Variants in KIF16B observed in about 807,000 individuals in gnomAD.
The protein encoded by KIF16B is kinesin-like protein KIF16B.
Under a neutral mutation model 156.3 loss-of-function variants are expected in KIF16B, and 98 were observed. The ratio of observed to expected loss-of-function variants is 0.63; its 90% CI spans 0.53 to 0.74. The LOEUF (loss-of-function observed/expected upper bound fraction) is 0.74. Ranked by LOEUF, KIF16B falls within the 30% of genes least tolerant of loss-of-function variation. The probability of loss-of-function intolerance (pLI) is 0.00; values close to 1 mark genes in which losing one functional copy is unlikely to be tolerated. For missense variants in KIF16B, 1,421 were observed against 1,606.5 expected (o/e 0.88, Z 1.97); for synonymous variants, 564 against 583.7 (o/e 0.97, Z 0.49).
At chr20:16,449,185 T>G (rs1757333871) in intron 12 of KIF16B, among the ~76,000 whole-genome samples, 1 of 151,776 alleles carries the variant, frequency 6.6e-6, no homozygotes, top group Non-Finnish European at 1.5e-5. Context: ...AAAGAGTCAA[T>G]GGAAATGAGC....
chr20:16,507,955 T>C lies in KIF16B; in HGVS notation c.699+3A>G, dbSNP rs1239954669. The C allele has an allele frequency of 6.2e-7, 1 of 1,614,090 alleles. No individual in the cohort carries two copies. The highest frequency in any genetic ancestry group is 8.5e-7 in the Non-Finnish European group (1 of 1,179,982). The stretch of plus-strand genomic sequence containing the variant: ...AGCCAGCTGGTCCCGCAGCAGCCCT[T>C]ACCTGAGTGAACTTGATGGTGAAGA... On this transcript the variant is annotated splice_donor_region_variant and intron_variant, in intron 7 of 25. Coordinates refer to ENST00000354981, the MANE Select transcript of KIF16B (RefSeq NM_024704.5).
At chr20:16,498,524 ACTATTCTGGACATTGC>A (rs992670314) in intron 10 of KIF16B, among the ~76,000 whole-genome samples, 20 of 152,320 alleles carry the variant, frequency 1.3e-4, no homozygotes, top group African/African-American at 4.8e-4. Flanking sequence ...GCATAAAAAC[ACTATTCTGGACATTGC>A]CTTTTTAACA....
chr20:16,350,278 G>T (rs2064310533), intron 23 of KIF16B, among the ~76,000 whole-genome samples: 2 of 152,342 alleles, frequency 1.3e-5, no homozygotes, highest in Admixed American at 1.3e-4. Context: ...TGTGAGAAAA[G>T]GCGGGCACCT....
intron 24 of KIF16B, among the ~76,000 whole-genome samples, chr20:16,332,662 C>T (rs1461775599): frequency 2.0e-5 from 3 of 152,006 alleles, no homozygotes; most frequent in Non-Finnish European, 1.5e-5. Context: ...GAGGCTTCTG[C>T]GAGCAGAAGT....
At chr20:16,286,712 A>G (rs1310030790) in intron 25 of KIF16B, among the ~76,000 whole-genome samples, 4 of 152,192 alleles carry the variant, frequency 2.6e-5, no homozygotes, top group Non-Finnish European at 5.9e-5. Flanking sequence ...ACTAACCAGT[A>G]CAAGGTCAAG....
At chr20:16,366,669 T>C (rs1235283732) in intron 22 of KIF16B, among the ~76,000 whole-genome samples, 1 of 152,182 alleles carries the variant, frequency 6.6e-6, no homozygotes, top group African/African-American at 2.4e-5. Flanking sequence ...GGAAGCTTGA[T>C]GCATCACTAA....
intron 25 of KIF16B, among the ~76,000 whole-genome samples, chr20:16,275,076 C>CTTTTTGTT: frequency 6.8e-6 from 1 of 146,360 alleles, no homozygotes; most frequent in African/African-American, 2.5e-5. Context: ...TTTTTTGAGA[C>CTTTTTGTT]GGAGTCTTGC....
chr20:16,508,836 C>T lies in KIF16B; in HGVS notation c.557-736G>A, dbSNP rs557583100. On this transcript the variant is annotated intron_variant, in intron 6 of 25. Coordinates refer to ENST00000354981, the MANE Select transcript of KIF16B (RefSeq NM_024704.5). ...AAAATGCAAAAGCACTGCCTTCATGCAAAACCCAAAAGTGTTTTTTAAATC... is the reference window on the plus strand; with the variant it reads ...AAAATGCAAAAGCACTGCCTTCATGTAAAACCCAAAAGTGTTTTTTAAATC... Among the ~76,000 whole-genome samples, 7 of 152,290 alleles carry T rather than the reference C, an allele frequency of 4.6e-5. No homozygotes were observed. The East Asian group carries it at 1.2e-3, about 25-fold the overall frequency.
At position 16,272,651 on chromosome 20, in the gene KIF16B, T is replaced by C. The variant is rs1185352546; in HGVS notation, c.*602A>G. ...TGTCAAGCATGGAAGACTACAGTCA[T>C]GATTGGATCAAAAAATCCCTTTTGC... On this transcript the variant is annotated 3_prime_UTR_variant, in exon 26 of 26. Coordinates refer to ENST00000354981, the MANE Select transcript of KIF16B (RefSeq NM_024704.5). The C allele has an allele frequency of 6.6e-6, 1 of 152,654 alleles. No homozygotes were observed. The highest frequency in any genetic ancestry group is 1.5e-5 in the Non-Finnish European group (1 of 68,062). 9.5% of individuals were successfully genotyped at this position (152,654 alleles called of 1,614,324 possible). A position where few individuals can be genotyped will look rare whatever the true frequency, so the allele number is the denominator to read the frequency against.
At chr20:16,280,868 G>GTGTGTGCA (rs1491440809) in intron 25 of KIF16B, among the ~76,000 whole-genome samples, 8 of 147,114 alleles carry the variant, frequency 5.4e-5, no homozygotes, top group Non-Finnish European at 8.9e-5. Flanking sequence ...GTGTGTGTGT[G>GTGTGTGCA]CGCAGAAAAT....
At chr20:16,485,235 C>A (rs1013482213) in intron 12 of KIF16B, among the ~76,000 whole-genome samples, 1 of 152,150 alleles carries the variant, frequency 6.6e-6, no homozygotes, top group Non-Finnish European at 1.5e-5. Context: ...CCATTCAACT[C>A]CAGGGCATGA....
chr20:16,511,471 T>C lies in KIF16B; in HGVS notation c.503A>G (p.Lys168Arg). The part of the protein sequence containing the change: ...VRDLLRRKSS[K>R]TFNLRVREHP... ...CTCACGGACTCTCAAATTGAAGGTT[T>C]TAGATGACTTCCGCCGAAGTAGATC... is the stretch of plus-strand genomic sequence containing the variant. Residue 168 changes from lysine to arginine, a missense_variant, in exon 6 of 26, where the codon AAA becomes AGA. Transcript: ENST00000354981. 1.2e-6 allele frequency: 2 copies of C among 1,613,128 alleles called. No individual in the cohort carries two copies. The highest frequency in any genetic ancestry group is 1.7e-6 in the Non-Finnish European group (2 of 1,179,404).
intron 1 of KIF16B, among the ~76,000 whole-genome samples, chr20:16,535,911 C>T (rs2069941887): frequency 6.6e-6 from 1 of 152,118 alleles, no homozygotes. Flanking sequence ...TAAATTAGTG[C>T]TATGGAAAAC....
At chr20:16,389,796 T>C (rs1340802424) in intron 17 of KIF16B, among the ~76,000 whole-genome samples, 2 of 152,162 alleles carry the variant, frequency 1.3e-5, no homozygotes, top group Non-Finnish European at 2.9e-5. Flanking sequence ...GGGAGACTGA[T>C]GAAAAGAAGA....
chr20:16,278,577 C>T (rs2063098415), intron 25 of KIF16B, among the ~76,000 whole-genome samples: 1 of 152,110 alleles, frequency 6.6e-6, no homozygotes, highest in South Asian at 2.1e-4. Flanking sequence ...GGGCAGTGAG[C>T]AGGGGTTACA....
intron 15 of KIF16B, among the ~76,000 whole-genome samples, chr20:16,417,521 C>T (rs1170803593): frequency 6.6e-6 from 1 of 152,116 alleles, no homozygotes; most frequent in Non-Finnish European, 1.5e-5. Flanking sequence ...ATGTCTATGA[C>T]ACAATCCAAT....
At chr20:16,496,604 AT>A (rs2068457781) in intron 11 of KIF16B, among the ~76,000 whole-genome samples, 1 of 152,244 alleles carries the variant, frequency 6.6e-6, no homozygotes, top group Non-Finnish European at 1.5e-5. Flanking sequence ...CTGTCACAGC[AT>A]GTATAATACA....
At chr20:16,364,581 G>A (rs1415595564) in intron 22 of KIF16B, among the ~76,000 whole-genome samples, 1 of 152,172 alleles carries the variant, frequency 6.6e-6, no homozygotes. Flanking sequence ...GGAGCTACTA[G>A]GATTGAAATC....
In KIF16B at chr20:16,505,443, A is replaced by G. The variant is rs79949321; in HGVS notation, c.1000+279T>C. ...TCCTATGATTTTTCTCCTATGAGGT[A>G]AATTTCTACCTTGCACTTTAAGCAA... On this transcript the variant is annotated intron_variant, in intron 9 of 25. Coordinates refer to ENST00000354981, the MANE Select transcript of KIF16B (RefSeq NM_024704.5). Among the ~76,000 whole-genome samples the G allele has an allele frequency of 2.5e-4, 38 of 152,354 alleles. No individual in the cohort carries two copies. The East Asian group carries it at 6.4e-3, about 26-fold the overall frequency.
Sources: gnomAD v4.1 joint callset for allele counts (sites outside exome capture counted in the v4.1 genomes callset) on GRCh38, gnomAD v4.1.1 for gene constraint, MANE v1.5 for transcripts, NCBI Gene and HGNC (gene_info 2026-07-23, HGNC 2026-07-21) for gene names.